PF4V1: variants seen among roughly 807,000 people sequenced by gnomAD.
PF4V1 encodes platelet factor 4 variant.
In PF4V1, 4 loss-of-function variants were observed where a neutral mutation model predicts 6.9. The observed-to-expected ratio is 0.58, with a 90% confidence interval of 0.29 to 1.34. PF4V1 has a LOEUF of 1.34. Among genes scored for constraint, PF4V1 ranks in the 40% most tolerant of loss-of-function variants. The pLI is 0.09. For missense variants in PF4V1, 127 were observed against 128.6 expected, an observed-to-expected ratio of 0.99 and a Z score of 0.06; for synonymous variants, 68 against 55.9, an observed-to-expected ratio of 1.22 and a Z score of -0.97.
chr4:73,853,484 G>A (rs368568257), intron 1 of PF4V1, 22 bp downstream of exon 1: 25 of 1,589,498 alleles, frequency 1.6e-5, no homozygotes, highest in East Asian at 2.3e-5. Context: ...AACCAGGCTG[G>A]GAGGGCCAGC....
chr4:73,854,067 T>C lies in PF4V1; in HGVS notation c.260T>C (p.Leu87Ser). 6.2e-7 allele frequency: 1 copy of C among 1,614,220 alleles called. No individual in the cohort carries two copies. The highest frequency in any genetic ancestry group is 8.5e-7 in the Non-Finnish European group (1 of 1,180,032). ...ATLKNGRKIC[L>S]DLQALLYKKI... The stretch of plus-strand genomic sequence containing the variant: ...CTGAAGAATGGGAGGAAAATTTGCT[T>C]GGATCTGCAAGCCCTGCTGTACAAG... Residue 87 changes from leucine (L) to serine (S), a missense_variant, in exon 3 of 3, where the codon TTG becomes TCG. Transcript: ENST00000226524.
Position 73,854,174 on chromosome 4 carries a change from G to C in PF4V1, c.*52G>C. ...CAATCTAACTGTGAAAGAATCTTCT[G>C]ATGTTTGTATTATCCTTCTTATATT... is the stretch of plus-strand genomic sequence containing the variant. On this transcript the variant is annotated 3_prime_UTR_variant, in exon 3 of 3. Transcript: ENST00000226524. 7.9e-7 allele frequency: 1 copy of C among 1,273,240 alleles called. No individual in the cohort carries two copies. Among genetic ancestry groups the C allele is most frequent in the East Asian group, 2.3e-5 (1 of 43,010 alleles). The allele number at this position is 1,273,240 out of a possible 1,614,324, so 78.9% of individuals were successfully genotyped here. A position where few individuals can be genotyped will look rare whatever the true frequency, so the allele number is the denominator to read the frequency against.
intron 1 of PF4V1, 134 bp downstream of exon 1, chr4:73,853,596 A>C: frequency 7.7e-7 from 1 of 1,293,902 alleles, no homozygotes; most frequent in Non-Finnish European, 1.1e-6. Flanking sequence ...CTGCGGGTAC[A>C]GTGCCAGGCA....
chr4:73,853,479 G>A lies in PF4V1; in HGVS notation c.100+17G>A, dbSNP rs752840420. The A allele has an allele frequency of 7.5e-6, 12 of 1,592,848 alleles. No homozygotes were observed. Among genetic ancestry groups the A allele is most frequent in the Non-Finnish European group, 1.0e-5 (12 of 1,168,678 alleles). On this transcript the variant is annotated intron_variant, in intron 1 of 2. Transcript: ENST00000226524. Reference sequence around the variant, plus strand: ...TCGCCAGAGGTGAGAGCAGAAACCAGGCTGGGAGGGCCAGCAGCGGCGAGG... The same window carrying A: ...TCGCCAGAGGTGAGAGCAGAAACCAAGCTGGGAGGGCCAGCAGCGGCGAGG...
intron 1 of PF4V1, 38 bp from the exon 2 acceptor site, chr4:73,853,744 AC>A: frequency 4.5e-6 from 7 of 1,572,936 alleles, no homozygotes; most frequent in Non-Finnish European, 4.3e-6. Flanking sequence ...CACAACTCCC[AC>A]CCCTCCTCCT....
Position 73,853,449 on chromosome 4 carries a change from C to T in PF4V1, c.87C>T (p.Val29=), listed in dbSNP as rs1731470101. The T allele has an allele frequency of 1.2e-6, 2 of 1,613,226 alleles. No homozygotes were observed. The highest frequency in any genetic ancestry group is 1.3e-5 in the African/African-American group (1 of 75,030). Residue 29 remains valine (V), a synonymous_variant, in exon 1 of 3, where the codon GTC becomes GTT. Coordinates refer to ENST00000226524, the MANE Select transcript of PF4V1 (RefSeq NM_002620.4). ...CGTTGCTGCTCCTGCCAGTTGTGGT[C>T]GCCTTCGCCAGAGGTGAGAGCAGAA... is the stretch of plus-strand genomic sequence containing the variant. ...FLALLLLPVV[V]AFARAEAEED... is the part of the protein sequence containing the mutation.
At position 73,854,376 on chromosome 4, in the gene PF4V1, G is replaced by A. The variant is rs953191567; in HGVS notation, c.*254G>A. 5.3e-5 allele frequency among the ~76,000 whole-genome samples: 8 copies of A among 152,258 alleles called. No homozygotes were observed. The East Asian group carries it at 1.5e-3, about 29-fold the overall frequency. On this transcript the variant is annotated 3_prime_UTR_variant, in exon 3 of 3. Coordinates refer to ENST00000226524, the MANE Select transcript of PF4V1 (RefSeq NM_002620.4). ...TGATTTTGTTCAGTGTTATATGTTAGCTGATACATATTTGTTCATTTATGT... is the reference window on the plus strand; with the variant it reads ...TGATTTTGTTCAGTGTTATATGTTAACTGATACATATTTGTTCATTTATGT...
intron 1 of PF4V1, 21 bp from the exon 2 acceptor site, chr4:73,853,762 C>T: frequency 6.3e-7 from 1 of 1,597,600 alleles, no homozygotes; most frequent in Non-Finnish European, 8.5e-7. Flanking sequence ...TCCTCTCTTA[C>T]TCCCTCCCTT....
rs774011807 is a variant in PF4V1, at chr4:73,853,439, C to T, written c.77C>T (p.Pro26Leu). Residue 26 changes from proline to leucine, a missense_variant, in exon 1 of 3, where the codon CCA (proline) becomes CTA (leucine). By Grantham distance (98) the Pro-to-Leu change is moderately conservative. Coordinates refer to ENST00000226524, the MANE Select transcript of PF4V1 (RefSeq NM_002620.4). ...CTGTTCTTGGCGTTGCTGCTCCTGC[C>T]AGTTGTGGTCGCCTTCGCCAGAGGT... ...EMLFLALLLL[P>L]VVVAFARAEA... The T allele has an allele frequency of 1.9e-6, 3 of 1,613,900 alleles. No individual in the cohort carries two copies. Among genetic ancestry groups the T allele is most frequent in the Admixed American group, 1.7e-5 (1 of 60,016 alleles).
chr4:73,853,588 G>A (rs1183359494), intron 1 of PF4V1, 126 bp downstream of exon 1: 8 of 1,322,640 alleles, frequency 6.0e-6, no homozygotes, highest in East Asian at 2.5e-5. Context: ...TGCTGAGTCT[G>A]CGGGTACAGT....
rs764486288 is a variant in PF4V1 at position 73,853,798 on chromosome 4, A to T, written c.116A>T (p.Asp39Val). ...TCCCCCTCAGCTGAAGCTGAAGAAG[A>T]TGGGGACCTGCAGTGCCTGTGTGTG... ...VAFARAEAEE[D>V]GDLQCLCVKT... is the part of the protein sequence containing the mutation. The change falls in exon 2 of 3, where the codon GAT becomes GTT. Residue 39 changes from aspartate to valine, a missense_variant. Transcript: ENST00000226524. The T allele has an allele frequency of 1.1e-5, 17 of 1,611,752 alleles. No homozygotes were observed. In the East Asian group the frequency reaches 2.7e-4, roughly 25 times the overall value.
chr4:73,853,565 C>A, intron 1 of PF4V1, 103 bp downstream of exon 1: 2 of 1,407,082 alleles, frequency 1.4e-6, no homozygotes, highest in South Asian at 1.3e-5. Flanking sequence ...CGCAGCTGCT[C>A]TTATTGCGCG....
intron 1 of PF4V1, 86 bp downstream of exon 1, chr4:73,853,548 T>A (rs1197093037): frequency 6.8e-7 from 1 of 1,481,042 alleles, no homozygotes; most frequent in East Asian, 2.5e-5. Context: ...TCCTCTAGGA[T>A]CATGATCGCA....
rs997153833 is a variant in PF4V1 at position 73,854,345 on chromosome 4, A to G, written c.*223A>G. ...ATTATGAAGGAAGGCTTGGTTTAAT[A>G]AAGACTGATTTTGTTCAGTGTTATA... On this transcript the variant is annotated 3_prime_UTR_variant, in exon 3 of 3. Coordinates refer to ENST00000226524, the MANE Select transcript of PF4V1 (RefSeq NM_002620.4). Among the ~76,000 whole-genome samples the G allele has an allele frequency of 6.6e-6, 1 of 152,256 alleles. No homozygotes were observed. The highest frequency in any genetic ancestry group is 2.4e-5 in the African/African-American group (1 of 41,474).
Position 73,853,320 on chromosome 4 carries a change from CT to C in PF4V1, c.-40del, listed in dbSNP as rs781251836. On this transcript the variant is annotated 5_prime_UTR_variant, in exon 1 of 3. Transcript: ENST00000226524. ...CACTGCCTGCAGAACCCCAGCCCGA[CT>C]TTCCCTGCGCACTGGGATCCTGCTG... 6.5e-7 allele frequency: 1 copy of C among 1,532,242 alleles called. No homozygotes were observed. Among genetic ancestry groups the C allele is most frequent in the South Asian group, 1.1e-5 (1 of 89,150 alleles). The allele number at this position is 1,532,242 out of a possible 1,614,324, so 94.9% of individuals were successfully genotyped here. A position where few individuals can be genotyped will look rare whatever the true frequency, so the allele number is the denominator to read the frequency against.
chr4:73,853,612 CGTGCA>C, intron 1 of PF4V1, 150 bp downstream of exon 1: 1 of 1,267,242 alleles, frequency 7.9e-7, no homozygotes, highest in Non-Finnish European at 1.1e-6. Flanking sequence ...AGGCACTGCA[CGTGCA>C]CCTCGCCACC....
intron 1 of PF4V1, 91 bp from the exon 2 acceptor site, chr4:73,853,692 A>T: frequency 6.8e-7 from 1 of 1,468,024 alleles, no homozygotes; most frequent in Non-Finnish European, 9.2e-7. Context: ...AGCTGAAGGT[A>T]GTGGAAAAGG....
Position 73,854,472 on chromosome 4 carries a change from T to G in PF4V1, c.*350T>G, listed in dbSNP as rs1184062969. Among the ~76,000 whole-genome samples the G allele has an allele frequency of 7.1e-6, 1 of 140,574 alleles. No individual in the cohort carries two copies. The highest frequency in any genetic ancestry group is 1.5e-5 in the Non-Finnish European group (1 of 65,532). The allele number at this position is 140,574 out of a possible 152,430, so 92.2% of individuals were successfully genotyped here. On this transcript the variant is annotated 3_prime_UTR_variant, in exon 3 of 3. Coordinates refer to ENST00000226524, the MANE Select transcript of PF4V1 (RefSeq NM_002620.4). ...TAGCTTGCCAATAAATATTAGTAGC[T>G]CTTAAGCATTACTCGACAGCTTTTT...
At position 73,854,167 on chromosome 4, in the gene PF4V1, A is replaced by C. The variant is rs1731492545; in HGVS notation, c.*45A>C. The stretch of plus-strand genomic sequence containing the variant: ...GCACTTTCAATCTAACTGTGAAAGA[A>C]TCTTCTGATGTTTGTATTATCCTTC... On this transcript the variant is annotated 3_prime_UTR_variant, in exon 3 of 3. Transcript: ENST00000226524. 1 of 1,315,540 alleles carries C rather than the reference A, an allele frequency of 7.6e-7. No homozygotes were observed. Among genetic ancestry groups the C allele is most frequent in the Non-Finnish European group, 1.1e-6 (1 of 911,406 alleles). 81.5% of individuals were successfully genotyped at this position (1,315,540 alleles called of 1,614,324 possible). A position where few individuals can be genotyped will look rare whatever the true frequency, so the allele number is the denominator to read the frequency against.
Sources: allele counts gnomAD v4.1 joint callset (sites outside exome capture counted in the v4.1 genomes callset), GRCh38; gene constraint gnomAD v4.1.1; transcripts MANE v1.5; gene names NCBI Gene and HGNC (gene_info 2026-07-23, HGNC 2026-07-21).